The following ZNF585A variants were observed in gnomAD, a reference collection of about 807,000 sequenced individuals.
ZNF585A encodes the protein zinc finger protein 585A.
In ZNF585A, 9 loss-of-function variants were observed where a neutral mutation model predicts 14.9. The ratio of observed to expected loss-of-function variants is 0.60; its 90% CI spans 0.36 to 1.05. The LOEUF (loss-of-function observed/expected upper bound fraction) is 1.05. ZNF585A is among the 50% of genes least tolerant of loss of function. ZNF585A has a pLI of 0.01. For synonymous variants in ZNF585A, 276 were observed against 319.9 expected, an observed-to-expected ratio of 0.86 and a Z score of 1.46; for missense variants, 726 against 926.4, an observed-to-expected ratio of 0.78 and a Z score of 2.81.
rs1432827832 is a variant in ZNF585A, at chr19:37,146,164, T to C, written c.*5425A>G. 1 of 152,076 alleles carries C rather than the reference T, an allele frequency of 6.6e-6. No homozygotes were observed. The highest frequency in any genetic ancestry group is 1.5e-5 in the Non-Finnish European group (1 of 68,090). The allele number at this position is 152,076 out of a possible 1,614,324, so 9.4% of individuals were successfully genotyped here. On this transcript the variant is annotated 3_prime_UTR_variant, in exon 5 of 5. Coordinates refer to ENST00000292841, the MANE Select transcript of ZNF585A (RefSeq NM_001288800.2). The stretch of plus-strand genomic sequence containing the variant: ...TTGGGTGGCCGAGGTGGGCAAATCG[T>C]GAGGTCAGGAGATTGAGACCATCCT...
In ZNF585A at chr19:37,149,606, T is replaced by C. The variant is rs943622648; in HGVS notation, c.*1983A>G. 6.6e-6 allele frequency: 1 copy of C among 152,006 alleles called. No homozygotes were observed. Among genetic ancestry groups the C allele is most frequent in the Non-Finnish European group, 1.5e-5 (1 of 67,996 alleles). The allele number at this position is 152,006 out of a possible 1,614,324, so 9.4% of individuals were successfully genotyped here. A position where few individuals can be genotyped will look rare whatever the true frequency, so the allele number is the denominator to read the frequency against. On this transcript the variant is annotated 3_prime_UTR_variant, in exon 5 of 5. Coordinates refer to ENST00000292841, the MANE Select transcript of ZNF585A (RefSeq NM_001288800.2). ...TAATCCCATTTTACAAGTGAGAAAA[T>C]TGAGGCCCAGAGGAGGTTTCTGGGC...
At chr19:37,165,827 G>A (rs1234784500) in intron 2 of ZNF585A, 1 of 168,138 alleles carries the variant, frequency 5.9e-6, no homozygotes. Context: ...TTACTGTGTT[G>A]GAAATGCTGA....
intron 2 of ZNF585A, among the ~76,000 whole-genome samples, chr19:37,163,377 GA>G (rs1972039396): frequency 6.7e-6 from 1 of 149,424 alleles, no homozygotes; most frequent in African/African-American, 2.5e-5. Flanking sequence ...ACTGCTTAGG[GA>G]AAAACAGATT....
intron 2 of ZNF585A, among the ~76,000 whole-genome samples, chr19:37,162,525 A>G (rs1972027303): frequency 1.3e-5 from 2 of 152,218 alleles, no homozygotes; most frequent in South Asian, 2.1e-4. Flanking sequence ...ACATACCCAC[A>G]TATGTTCTCT....
rs143569852 is a variant in ZNF585A, at chr19:37,155,515, G to A, written c.292+350C>T. Among the ~76,000 whole-genome samples the A allele has an allele frequency of 2.1e-3, 324 of 152,050 alleles. 2 individuals are homozygous for A. Among genetic ancestry groups the A allele is most frequent in the African/African-American group, 7.1e-3 (296 of 41,538 alleles). ...AAAGTACAAAGATTAGCTGGGCATG[G>A]TGGCTGGCAAACACCTGTAATCCCA... On this transcript the variant is annotated intron_variant, in intron 4 of 4. Coordinates refer to ENST00000292841, the MANE Select transcript of ZNF585A (RefSeq NM_001288800.2).
chr19:37,151,514 T>C lies in ZNF585A; in HGVS notation c.*75A>G, dbSNP rs1235655166. 5.1e-6 allele frequency: 7 copies of C among 1,379,816 alleles called. No individual in the cohort carries two copies. The African/African-American group carries it at 8.7e-5, about 17-fold the overall frequency. The allele number at this position is 1,379,816 out of a possible 1,614,324, so 85.5% of individuals were successfully genotyped here. A position where few individuals can be genotyped will look rare whatever the true frequency, so the allele number is the denominator to read the frequency against. ...TCATTTCTATTTACAATAATATACA[T>C]ATTTTTCTGCTGCATGCGTGCAACA... On this transcript the variant is annotated 3_prime_UTR_variant, in exon 5 of 5. Coordinates refer to ENST00000292841, the MANE Select transcript of ZNF585A (RefSeq NM_001288800.2).
At chr19:37,156,831 A>G (rs1157576456) in intron 2 of ZNF585A, among the ~76,000 whole-genome samples, 1 of 152,126 alleles carries the variant, frequency 6.6e-6, no homozygotes, top group Non-Finnish European at 1.5e-5. Flanking sequence ...AGCTGGGATT[A>G]TAGGAATGCA....
At position 37,151,710 on chromosome 19, in the gene ZNF585A, C is replaced by G. The variant is rs1471665854; in HGVS notation, c.2189G>C (p.Arg730Thr). ...TGTCTGATGTTTATTCAAATTGGAC[C>G]TGTCAGTAAAGGCCTTCCCACACTC... ...CAECGKAFTDRSNLNKHQTTH... is the reference protein window; with the variant it reads ...CAECGKAFTDTSNLNKHQTTH... Residue 730 changes from arginine (R) to threonine (T), a missense_variant, in exon 5 of 5, where the codon AGG becomes ACG. This residue lies in a region of ZNF585A where 243 missense variants were observed against 383.6 expected (regional missense o/e 0.63). Coordinates refer to ENST00000292841, the MANE Select transcript of ZNF585A (RefSeq NM_001288800.2). The G allele has an allele frequency of 6.2e-7, 1 of 1,614,190 alleles. No individual in the cohort carries two copies.
In ZNF585A at chr19:37,151,106, G is replaced by A. The variant is rs534150775; in HGVS notation, c.*483C>T. 1.1e-5 allele frequency: 4 copies of A among 362,332 alleles called. No homozygotes were observed. Among genetic ancestry groups the A allele is most frequent in the East Asian group, 4.0e-5 (1 of 24,824 alleles). The allele number at this position is 362,332 out of a possible 1,614,324, so 22.4% of individuals were successfully genotyped here. A position where few individuals can be genotyped will look rare whatever the true frequency, so the allele number is the denominator to read the frequency against. On this transcript the variant is annotated 3_prime_UTR_variant, in exon 5 of 5. Transcript: ENST00000292841. ...ATGACCAACTGTGGTAGATTCGAAT[G>A]AGAAAGAAAAACACCCAGGAGTCTG...
chr19:37,170,117 A>G (rs1893798771), intron 1 of ZNF585A, 63 bp from the exon 2 acceptor site: 1 of 551,362 alleles, frequency 1.8e-6, no homozygotes, highest in Non-Finnish European at 3.2e-6. Flanking sequence ...CTTCCTGGAT[A>G]TATCAAGGTG....
intron 2 of ZNF585A, among the ~76,000 whole-genome samples, chr19:37,165,049 G>T (rs1289957427): frequency 6.6e-6 from 1 of 152,180 alleles, no homozygotes; most frequent in Non-Finnish European, 1.5e-5. Context: ...ATTTGGTGGG[G>T]TAGTTAATGT....
Position 37,150,171 on chromosome 19 carries a change from T to C in ZNF585A, c.*1418A>G, listed in dbSNP as rs1486965827. On this transcript the variant is annotated 3_prime_UTR_variant, in exon 5 of 5. Transcript: ENST00000292841. Reference sequence around the variant, plus strand: ...CAGTTGGGAAATGTGGACATTATGGTTCATTGTAAGTCACCGCCATTGCCT... The same window carrying C: ...CAGTTGGGAAATGTGGACATTATGGCTCATTGTAAGTCACCGCCATTGCCT... The C allele has an allele frequency of 6.6e-6, 1 of 151,736 alleles. No individual in the cohort carries two copies. The highest frequency in any genetic ancestry group is 1.5e-5 in the Non-Finnish European group (1 of 67,988). The allele number at this position is 151,736 out of a possible 1,614,324, so 9.4% of individuals were successfully genotyped here.
At chr19:37,171,035 G>C (rs1051488787) in intron 1 of ZNF585A, among the ~76,000 whole-genome samples, 1 of 152,124 alleles carries the variant, frequency 6.6e-6, no homozygotes, top group South Asian at 2.1e-4. Flanking sequence ...GTGTGCATAA[G>C]ACATTCATTG....
At chr19:37,158,914 A>T (rs1334633335) in intron 2 of ZNF585A, among the ~76,000 whole-genome samples, 1 of 152,180 alleles carries the variant, frequency 6.6e-6, no homozygotes, top group Non-Finnish European at 1.5e-5. Flanking sequence ...CTTTAAAATA[A>T]TCTAGCTGCT....
In ZNF585A at chr19:37,153,258, T is replaced by C. The variant is rs144861208; in HGVS notation, c.641A>G (p.Tyr214Cys). 15 of 1,614,118 alleles carry C rather than the reference T, an allele frequency of 9.3e-6. No individual in the cohort carries two copies. Among genetic ancestry groups the C allele is most frequent in the South Asian group, 5.5e-5 (5 of 91,082 alleles). ...GCCTTTCCCACACTGGCTGCATTCA[T>C]AGAGTTTCTCTCCGGTATGAATTCT... ...HQRIHTGEKL[Y>C]ECSQCGKGFS... The change falls in exon 5 of 5, where the codon TAT (tyrosine) becomes TGT (cysteine). Residue 214 changes from tyrosine (Y) to cysteine (C), a missense_variant. Physicochemically the swap from Tyr to Cys is radical, Grantham distance 194. Transcript: ENST00000292841.
Position 37,151,664 on chromosome 19 carries a change from G to C in ZNF585A, c.2235C>G (p.Pro745=), listed in dbSNP as rs961738537. ...KHQTTHTGDK[P]YKCGICGKGF... is the part of the protein sequence containing the mutation. ...CTTTCCCACAGATGCCACACTTGTA[G>C]GGTTTGTCTCCAGTGTGTGTTGTCT... Residue 745 remains proline (P), a synonymous_variant, in exon 5 of 5, where the codon CCC becomes CCG. Coordinates refer to ENST00000292841, the MANE Select transcript of ZNF585A (RefSeq NM_001288800.2). The C allele has an allele frequency of 1.2e-6, 2 of 1,614,082 alleles. No homozygotes were observed. Among genetic ancestry groups the C allele is most frequent in the Non-Finnish European group, 1.7e-6 (2 of 1,180,036 alleles).
At chr19:37,169,437 A>T (rs2145418393) in intron 2 of ZNF585A, among the ~76,000 whole-genome samples, 1 of 144,202 alleles carries the variant, frequency 6.9e-6, no homozygotes, top group Admixed American at 6.9e-5. Flanking sequence ...CAGAAATGTA[A>T]AAAAAAAAAA....
chr19:37,161,091 T>C (rs1193804509), intron 2 of ZNF585A, among the ~76,000 whole-genome samples: 1 of 152,070 alleles, frequency 6.6e-6, no homozygotes, highest in African/African-American at 2.4e-5. Flanking sequence ...ACATAATCTC[T>C]TCCAGAAAAT....
At chr19:37,168,969 T>C (rs960870696) in intron 2 of ZNF585A, among the ~76,000 whole-genome samples, 2 of 152,162 alleles carry the variant, frequency 1.3e-5, no homozygotes, top group African/African-American at 2.4e-5. Flanking sequence ...TGGGGGTAGG[T>C]GGGGAACGGA....
Sources: gnomAD v4.1 joint callset for allele counts (sites outside exome capture counted in the v4.1 genomes callset) on GRCh38, gnomAD v4.1.1 for gene constraint, gnomAD v4.1.1 regional missense constraint, MANE v1.5 for transcripts, NCBI Gene and HGNC (gene_info 2026-07-23, HGNC 2026-07-21) for gene names.